The following CAMSAP1 variants were observed in gnomAD, a reference collection of about 807,000 sequenced individuals.
The protein encoded by CAMSAP1 is calmodulin regulated spectrin associated protein 1.
A neutral mutation model predicts 143.5 loss-of-function variants in CAMSAP1; 58 were observed. The ratio of observed to expected loss-of-function variants is 0.40; its 90% CI spans 0.33 to 0.50. The LOEUF is 0.50. Among genes scored for constraint, CAMSAP1 ranks in the 20% least tolerant of loss-of-function variants. The probability of loss-of-function intolerance (pLI) is 0.45; values close to 1 mark genes in which losing one functional copy is unlikely to be tolerated. For missense variants in CAMSAP1, 1,969 were observed against 2,115.7 expected (o/e 0.93, Z 1.36); for synonymous variants, 945 against 859.3 (o/e 1.10, Z -1.74).
chr9:135,836,586 AC>A, intron 7 of CAMSAP1: 2 of 976,678 alleles, frequency 2.0e-6, no homozygotes, highest in Non-Finnish European at 2.4e-6. Flanking sequence ...CACACTTTCT[AC>A]CCATTCTGCA....
rs1564409127 is a variant in CAMSAP1 at position 135,808,856 on chromosome 9, A to G, written c.*2453T>C. On this transcript the variant is annotated 3_prime_UTR_variant, in exon 17 of 17. Coordinates refer to ENST00000389532, the MANE Select transcript of CAMSAP1 (RefSeq NM_015447.4). ...AATTCTAGCATTACCAAGGATTTAC[A>G]CATAAACTTCATCATACATTGAATC... 2.6e-5 allele frequency: 4 copies of G among 152,230 alleles called. No homozygotes were observed. The allele number at this position is 152,230 out of a possible 1,614,324, so 9.4% of individuals were successfully genotyped here.
At chr9:135,904,685 C>T (rs908885833) in intron 1 of CAMSAP1, among the ~76,000 whole-genome samples, 3 of 151,358 alleles carry the variant, frequency 2.0e-5, no homozygotes, top group Admixed American at 2.0e-4. Flanking sequence ...GAAGTGGAAA[C>T]CAGCCAGGCG....
Position 135,820,998 on chromosome 9 carries a change from G to T in CAMSAP1, c.3663C>A (p.Val1221=). Residue 1221 remains valine, a synonymous_variant, in exon 11 of 17, where the codon GTC becomes GTA. Transcript: ENST00000389532. This position sits in a 1 kb window ranked among gnomAD's most constrained non-coding sequence, Gnocchi z 4.4. ...TGCTCCTCAGAGGCTCCTCCACGGG[G>T]ACGCTCTCTTTTCCCGAGACATCTG... ...SSSDVSGKES[V]PVEEPLRSRA... 6.2e-7 allele frequency: 1 copy of T among 1,612,816 alleles called. No homozygotes were observed. Among genetic ancestry groups the T allele is most frequent in the Non-Finnish European group, 8.5e-7 (1 of 1,179,068 alleles).
In CAMSAP1 at chr9:135,822,945, A is replaced by G; in HGVS notation, c.1716T>C (p.Asn572=). The change falls in exon 11 of 17, where the codon AAT becomes AAC. Residue 572 remains asparagine, a synonymous_variant. Transcript: ENST00000389532. This position sits in a 1 kb window ranked among gnomAD's most constrained non-coding sequence, Gnocchi z 6.1. ...ASPRALGLTA[N]ARSPQGQLDT... ...CCAGCTGTCCTTGGGGAGACCGGGC[A>G]TTTGCTGTAAGGCCTAAGGCCCGGG... 1.2e-6 allele frequency: 2 copies of G among 1,613,830 alleles called. No individual in the cohort carries two copies. Among genetic ancestry groups the G allele is most frequent in the Non-Finnish European group, 1.7e-6 (2 of 1,179,860 alleles).
chr9:135,897,746 T>A (rs1838499171), intron 1 of CAMSAP1, among the ~76,000 whole-genome samples: 1 of 152,174 alleles, frequency 6.6e-6, no homozygotes, highest in South Asian at 2.1e-4. Flanking sequence ...ATAAGTCACG[T>A]ACCAGGCAAG....
At position 135,822,972 on chromosome 9, in the gene CAMSAP1, T is replaced by G; in HGVS notation, c.1689A>C (p.Ser563=). Residue 563 remains serine (S), a synonymous_variant, in exon 11 of 17, where the codon TCA becomes TCC. Coordinates refer to ENST00000389532, the MANE Select transcript of CAMSAP1 (RefSeq NM_015447.4). The surrounding 1 kb of genome is among the most constrained non-coding windows in gnomAD (Gnocchi z 6.1). The part of the protein sequence containing the change: ...QQADPEFPRA[S]PRALGLTANA... ...TTGCTGTAAGGCCTAAGGCCCGGGGTGAGGCCCTGGGGAACTCCGGGTCAG... is the reference window on the plus strand; with the variant it reads ...TTGCTGTAAGGCCTAAGGCCCGGGGGGAGGCCCTGGGGAACTCCGGGTCAG... 1 of 1,613,922 alleles carries G rather than the reference T, an allele frequency of 6.2e-7. No homozygotes were observed. The highest frequency in any genetic ancestry group is 8.5e-7 in the Non-Finnish European group (1 of 1,179,874).
At chr9:135,825,195 A>C (rs2131670292) in intron 8 of CAMSAP1, among the ~76,000 whole-genome samples, 1 of 152,316 alleles carries the variant, frequency 6.6e-6, no homozygotes, top group Middle Eastern at 3.4e-3. Context: ...AAAAAGAAAA[A>C]GTGATCCTCT....
chr9:135,817,954 G>A lies in CAMSAP1; in HGVS notation c.4271+23C>T, dbSNP rs77053457. 334 of 1,609,286 alleles carry A rather than the reference G, an allele frequency of 2.1e-4. 3 individuals are homozygous for A. In the East Asian group the frequency reaches 4.2e-3, roughly 20 times the overall value. On this transcript the variant is annotated intron_variant, in intron 14 of 16. Coordinates refer to ENST00000389532, the MANE Select transcript of CAMSAP1 (RefSeq NM_015447.4). The stretch of plus-strand genomic sequence containing the variant: ...TCCGAACGTCCTCCAGCCCCGTGCC[G>A]GCGGCCGTCTCAGGCCCCTTACCGC...
Position 135,850,227 on chromosome 9 carries a change from C to T in CAMSAP1, c.955G>A (p.Val319Ile). The T allele has an allele frequency of 6.2e-7, 1 of 1,613,062 alleles. No individual in the cohort carries two copies. The highest frequency in any genetic ancestry group is 8.5e-7 in the Non-Finnish European group (1 of 1,179,570). Residue 319 changes from valine (V) to isoleucine (I), a missense_variant, in exon 7 of 17, where the codon GTT (valine) becomes ATT (isoleucine). Physicochemically the swap from Val to Ile is conservative, Grantham distance 29. Transcript: ENST00000389532. ...AAAAGCTCCGCAATAAAAACCATAACATTCGGCTAAAAGACAAAAACAAAA... is the reference window on the plus strand; with the variant it reads ...AAAAGCTCCGCAATAAAAACCATAATATTCGGCTAAAAGACAAAAACAAAA... ...LYAPLVLKPN[V>I]MVFIAELFWW...
rs1373172470 is a variant in CAMSAP1 at position 135,818,218 on chromosome 9, G to A, written c.4169-139C>T. 3 of 1,136,740 alleles carry A rather than the reference G, an allele frequency of 2.6e-6. No individual in the cohort carries two copies. Among genetic ancestry groups the A allele is most frequent in the Middle Eastern group, 2.0e-4 (1 of 5,104 alleles). 70.4% of individuals were successfully genotyped at this position (1,136,740 alleles called of 1,614,324 possible). On this transcript the variant is annotated intron_variant, in intron 13 of 16. Coordinates refer to ENST00000389532, the MANE Select transcript of CAMSAP1 (RefSeq NM_015447.4). This position sits in a 1 kb window ranked among gnomAD's most constrained non-coding sequence, Gnocchi z 7.7. ...GTCCCCACCCCATCCCGGGGAGCCGGGCTGCGCCTGGATGTGCCGCACATC... is the reference window on the plus strand; with the variant it reads ...GTCCCCACCCCATCCCGGGGAGCCGAGCTGCGCCTGGATGTGCCGCACATC...
chr9:135,866,280 T>TG, intron 4 of CAMSAP1, 176 bp downstream of exon 4: 1 of 539,864 alleles, frequency 1.9e-6, no homozygotes, highest in Non-Finnish European at 3.3e-6. Context: ...CAGGCTGCCG[T>TG]GGTCACATCT....
chr9:135,871,104 C>A (rs1411081650), intron 3 of CAMSAP1, among the ~76,000 whole-genome samples: 1 of 152,130 alleles, frequency 6.6e-6, no homozygotes, highest in African/African-American at 2.4e-5. Flanking sequence ...AGATTAAATG[C>A]AAAAGTAGAT....
chr9:135,883,119 A>C, intron 1 of CAMSAP1, 41 bp from the exon 2 acceptor site: 1 of 1,546,332 alleles, frequency 6.5e-7, no homozygotes, highest in Non-Finnish European at 8.7e-7. Flanking sequence ...GCCACACACA[A>C]GACCCAAAGG....
chr9:135,861,991 A>G (rs1472130926), intron 5 of CAMSAP1, among the ~76,000 whole-genome samples: 1 of 152,238 alleles, frequency 6.6e-6, no homozygotes, highest in Non-Finnish European at 1.5e-5. Context: ...TCATAAACAG[A>G]TTCAATTTTG....
At chr9:135,861,036 T>A (rs555330006) in intron 5 of CAMSAP1, among the ~76,000 whole-genome samples, 1 of 152,338 alleles carries the variant, frequency 6.6e-6, no homozygotes, top group Admixed American at 6.5e-5. Context: ...ACCCAAGAGC[T>A]GCATTTCCTC....
intron 16 of CAMSAP1, among the ~76,000 whole-genome samples, chr9:135,812,100 T>C (rs1340155768): frequency 6.6e-6 from 1 of 152,124 alleles, no homozygotes; most frequent in Non-Finnish European, 1.5e-5. Flanking sequence ...CTCTCACATA[T>C]GTACTCAAGG....
chr9:135,852,294 A>G (rs982879467), intron 5 of CAMSAP1, among the ~76,000 whole-genome samples: 21 of 152,222 alleles, frequency 1.4e-4, no homozygotes, highest in Non-Finnish European at 2.6e-4. Context: ...GGTACAGTTT[A>G]TCATTTCATT....
intron 3 of CAMSAP1, among the ~76,000 whole-genome samples, chr9:135,871,828 C>G (rs571106534): frequency 2.0e-5 from 3 of 151,900 alleles, no homozygotes; most frequent in Non-Finnish European, 4.4e-5. Flanking sequence ...CCTGGCCAGG[C>G]GTGGTGGCTC....
chr9:135,841,584 A>G (rs1265477668), intron 7 of CAMSAP1, among the ~76,000 whole-genome samples: 1 of 152,140 alleles, frequency 6.6e-6, no homozygotes, highest in Non-Finnish European at 1.5e-5. Flanking sequence ...GTCAACAGAC[A>G]CCTCATACAG....
Sources: allele counts gnomAD v4.1 joint callset (sites outside exome capture counted in the v4.1 genomes callset), GRCh38; gene constraint gnomAD v4.1.1; non-coding constraint Gnocchi (gnomAD v3.1); transcripts MANE v1.5; gene names NCBI Gene and HGNC (gene_info 2026-07-23, HGNC 2026-07-21).